Variants in PRKN observed in about 807,000 individuals in gnomAD.
PRKN encodes the protein E3 ubiquitin-protein ligase parkin.
PRKN carries 56 observed loss-of-function variants against 59.5 expected under a neutral mutation model. That is an observed-to-expected ratio of 0.94 (90% CI 0.76 to 1.18). The LOEUF is 1.18. Ranked by LOEUF, PRKN falls within the 50% of genes most tolerant of loss-of-function variation. The probability of loss-of-function intolerance (pLI) is 0.00; values close to 1 mark genes in which losing one functional copy is unlikely to be tolerated. For synonymous variants in PRKN, 250 were observed against 222.1 expected (o/e 1.13, Z -1.12); for missense variants, 657 against 596.4 (o/e 1.10, Z -1.06).
At chr6:162,017,178 G>C (rs1782963174) in intron 5 of PRKN, among the ~76,000 whole-genome samples, 1 of 152,084 alleles carries the variant, frequency 6.6e-6, no homozygotes. Flanking sequence ...AACTTCCATA[G>C]GGAGATATAT....
In PRKN at chr6:161,548,734, G is replaced by C. The variant is rs1419139340; in HGVS notation, c.1083+120C>G. On this transcript the variant is annotated intron_variant, in intron 9 of 11. Transcript: ENST00000366898. This position sits in a 1 kb window ranked among gnomAD's most constrained non-coding sequence, Gnocchi z 4.2. ...TTAAAATCTATTTTCTTATATGTAA[G>C]TTCAAAGATGTCTAAGTCCAAAGGG... The C allele has an allele frequency of 3.3e-6, 3 of 921,778 alleles. No homozygotes were observed. In the African/African-American group the frequency reaches 5.0e-5, roughly 15 times the overall value. 57.1% of individuals were successfully genotyped at this position (921,778 alleles called of 1,614,324 possible). A position where few individuals can be genotyped will look rare whatever the true frequency, so the allele number is the denominator to read the frequency against.
Position 162,453,241 on chromosome 6 carries a change from G to A in PRKN, c.8-9768C>T, listed in dbSNP as rs573185105. On this transcript the variant is annotated intron_variant, in intron 1 of 11. Transcript: ENST00000366898. ...CTGGTCTTAGAACATAGCAACTGAT[G>A]AGGACATCGCGCATAGCCTCAAGGA... 2.6e-5 allele frequency among the ~76,000 whole-genome samples: 4 copies of A among 152,312 alleles called. No homozygotes were observed. The South Asian group carries it at 6.2e-4, about 24-fold the overall frequency.
intron 2 of PRKN, among the ~76,000 whole-genome samples, chr6:162,342,723 G>T (rs188453835): frequency 6.6e-6 from 1 of 152,080 alleles, no homozygotes; most frequent in Admixed American, 6.6e-5. Context: ...GTCATTTGCC[G>T]CATGACACAG....
intron 9 of PRKN, among the ~76,000 whole-genome samples, chr6:161,474,934 GTCTC>G (rs1016363114): frequency 1.2e-4 from 18 of 144,694 alleles, no homozygotes; most frequent in African/African-American, 4.1e-4. Context: ...TTGAGATGAA[GTCTC>G]TCTGTCACCA....
intron 4 of PRKN, among the ~76,000 whole-genome samples, chr6:162,057,813 T>C (rs2128286625): frequency 6.6e-6 from 1 of 152,354 alleles, no homozygotes; most frequent in Non-Finnish European, 1.5e-5. Flanking sequence ...ATAGATTCAC[T>C]GGGACATTTG....
intron 1 of PRKN, among the ~76,000 whole-genome samples, chr6:162,561,291 C>A (rs1024737270): frequency 2.0e-4 from 30 of 152,220 alleles, no homozygotes; most frequent in Middle Eastern, 3.4e-3. Context: ...TGTAAAAGAA[C>A]ATGCTTATAG....
intron 1 of PRKN, among the ~76,000 whole-genome samples, chr6:162,686,217 G>C (rs1403925769): frequency 7.9e-5 from 12 of 152,178 alleles, no homozygotes; most frequent in Admixed American, 7.9e-4. Context: ...TAAATGTCAT[G>C]ATTTAGCCAC....
At chr6:162,472,199 C>T (rs1791779835) in intron 1 of PRKN, among the ~76,000 whole-genome samples, 1 of 138,334 alleles carries the variant, frequency 7.2e-6, no homozygotes, top group Non-Finnish European at 1.6e-5. Context: ...GAAGACATTC[C>T]AAACTCAAAC....
intron 6 of PRKN, among the ~76,000 whole-genome samples, chr6:161,915,752 GA>G (rs1033891403): frequency 6.6e-6 from 1 of 152,162 alleles, no homozygotes; most frequent in Non-Finnish European, 1.5e-5. Flanking sequence ...TTCTCATTTG[GA>G]AAACATTCTG....
At chr6:161,750,480 A>G (rs1345134001) in intron 7 of PRKN, among the ~76,000 whole-genome samples, 2 of 152,120 alleles carry the variant, frequency 1.3e-5, no homozygotes, top group Non-Finnish European at 2.9e-5. Context: ...ATTTTAAGTC[A>G]GTATTGGCCA....
chr6:162,698,429 T>C (rs943966497), intron 1 of PRKN, among the ~76,000 whole-genome samples: 1 of 152,212 alleles, frequency 6.6e-6, no homozygotes, highest in Non-Finnish European at 1.5e-5. Flanking sequence ...TTTTTCCTTT[T>C]ACCCTTTTCT....
chr6:161,970,399 C>CTATATA (rs57166297), intron 6 of PRKN, among the ~76,000 whole-genome samples: 1,653 of 146,302 alleles, frequency 0.011, 60 homozygotes, highest in Admixed American at 0.072. Flanking sequence ...TGATACGAAA[C>CTATATA]TATATATATA....
chr6:162,240,247 T>C (rs1011119482), intron 3 of PRKN, among the ~76,000 whole-genome samples: 2 of 152,134 alleles, frequency 1.3e-5, no homozygotes, highest in Admixed American at 1.3e-4. Flanking sequence ...TCTTTGAAAG[T>C]ATATTATTAA....
intron 7 of PRKN, among the ~76,000 whole-genome samples, chr6:161,681,047 A>T (rs1464480337): frequency 6.6e-6 from 1 of 151,992 alleles, no homozygotes; most frequent in East Asian, 1.9e-4. Context: ...TGTAACCTCT[A>T]CCGCCTGGGC....
At position 161,428,133 on chromosome 6, in the gene PRKN, T is replaced by C. The variant is rs374269583; in HGVS notation, c.1084-41256A>G. On this transcript the variant is annotated intron_variant, in intron 9 of 11. Coordinates refer to ENST00000366898, the MANE Select transcript of PRKN (RefSeq NM_004562.3). The surrounding 1 kb of genome is among the most constrained non-coding windows in gnomAD (Gnocchi z 4.0). ...CACCTGCATCTTCTGGCACTTGCACTGTGGGGGCCTTCCTCAAAGCCGTGC... is the reference window on the plus strand; with the variant it reads ...CACCTGCATCTTCTGGCACTTGCACCGTGGGGGCCTTCCTCAAAGCCGTGC... 6.6e-6 allele frequency among the ~76,000 whole-genome samples: 1 copy of C among 152,298 alleles called. No homozygotes were observed.
intron 7 of PRKN, among the ~76,000 whole-genome samples, chr6:161,714,311 A>AATAC: frequency 6.6e-6 from 1 of 152,202 alleles, no homozygotes; most frequent in Non-Finnish European, 1.5e-5. Context: ...ATGCAGTATT[A>AATAC]TTAAGAAATG....
intron 3 of PRKN, among the ~76,000 whole-genome samples, chr6:162,207,091 G>A (rs1295774032): frequency 6.6e-6 from 1 of 152,058 alleles, no homozygotes; most frequent in African/African-American, 2.4e-5. Context: ...GATGGGGATC[G>A]GCCTGCCGCA....
intron 6 of PRKN, among the ~76,000 whole-genome samples, chr6:161,955,190 G>A (rs1780126523): frequency 6.6e-6 from 1 of 152,100 alleles, no homozygotes; most frequent in Non-Finnish European, 1.5e-5. Context: ...ACCCTTTGCT[G>A]TGGGGCTGAC....
At chr6:161,779,792 G>A (rs898463033) in intron 7 of PRKN, among the ~76,000 whole-genome samples, 18 of 151,948 alleles carry the variant, frequency 1.2e-4, no homozygotes, top group African/African-American at 4.4e-4. Flanking sequence ...TATTTTATGT[G>A]TCTTGTTCTA....
Sources: gnomAD v4.1 joint callset for allele counts (sites outside exome capture counted in the v4.1 genomes callset) on GRCh38, gnomAD v4.1.1 for gene constraint, Gnocchi (gnomAD v3.1) non-coding constraint, MANE v1.5 for transcripts, NCBI Gene and HGNC (gene_info 2026-07-23, HGNC 2026-07-21) for gene names.